Variants in NOL10 observed in about 807,000 individuals in gnomAD.
NOL10 encodes nucleolar protein 10.
Under a neutral mutation model 103.5 loss-of-function variants are expected in NOL10, and 58 were observed. The ratio of observed to expected loss-of-function variants is 0.56; its 90% confidence interval spans 0.45 to 0.70. The LOEUF is 0.70. NOL10 is among the 30% of genes least tolerant of loss of function. The pLI, the probability that NOL10 is intolerant of heterozygous loss-of-function variation, is 0.00. For synonymous variants in NOL10, 287 were observed against 282.5 expected (o/e 1.02, Z -0.16); for missense variants, 763 against 807.3 (o/e 0.95, Z 0.67).
At chr2:10,625,856 T>C (rs563298567) in intron 13 of NOL10, among the ~76,000 whole-genome samples, 12 of 152,172 alleles carry the variant, frequency 7.9e-5, no homozygotes, top group African/African-American at 2.9e-4. Flanking sequence ...AGAGACAAAA[T>C]ACATTTTTTT....
Position 10,682,064 on chromosome 2 carries a change from G to T in NOL10, c.118C>A (p.Arg40Ser). Residue 40 changes from arginine to serine, a missense_variant, in exon 3 of 21, where the codon CGT becomes AGT. By Grantham distance (110) the Arg-to-Ser change is moderately radical. Transcript: ENST00000381685. ...TCCTGAATAAGTTCAATTCTCCTAC[G>T]GACATCTAAAAAGAGAGAAAAAAAC... ...RALQKKDVDV[R>S]RRIELIQDFE... 6.8e-7 allele frequency: 1 copy of T among 1,462,990 alleles called. No homozygotes were observed. Among genetic ancestry groups the T allele is most frequent in the South Asian group, 1.5e-5 (1 of 66,754 alleles). 90.6% of individuals were successfully genotyped at this position (1,462,990 alleles called of 1,614,324 possible).
chr2:10,638,476 G>A (rs1678456919), intron 13 of NOL10, among the ~76,000 whole-genome samples: 1 of 129,518 alleles, frequency 7.7e-6, no homozygotes, highest in Admixed American at 8.6e-5. Context: ...CCTTATAGCT[G>A]AATTCCCTTT....
intron 7 of NOL10, 28 bp downstream of exon 7, chr2:10,668,630 A>T: frequency 8.5e-7 from 1 of 1,171,488 alleles, no homozygotes; most frequent in Non-Finnish European, 1.2e-6. Context: ...GTCAAAATGT[A>T]TATAGCAGAA....
intron 2 of NOL10, among the ~76,000 whole-genome samples, chr2:10,682,472 T>C (rs1013690481): frequency 2.4e-4 from 36 of 150,184 alleles, no homozygotes; most frequent in African/African-American, 8.4e-4. Flanking sequence ...CAATCATGGC[T>C]CACTGCAGCC....
chr2:10,686,404 C>G (rs372587859), intron 1 of NOL10, among the ~76,000 whole-genome samples: 2 of 152,208 alleles, frequency 1.3e-5, no homozygotes, highest in African/African-American at 4.8e-5. Flanking sequence ...AGGTGGAGAA[C>G]AGTGACCGCT....
chr2:10,592,390 G>A (rs191034149), intron 17 of NOL10, among the ~76,000 whole-genome samples: 2 of 152,262 alleles, frequency 1.3e-5, no homozygotes, highest in East Asian at 1.9e-4. Context: ...AAGAAATCAC[G>A]CTCCATTTAG....
rs1292701521 is a variant in NOL10 at position 10,666,904 on chromosome 2, T to C, written c.591+314A>G. Among the ~76,000 whole-genome samples, 4 of 152,346 alleles carry C rather than the reference T, an allele frequency of 2.6e-5. No homozygotes were observed. The East Asian group carries it at 7.7e-4, about 29-fold the overall frequency. On this transcript the variant is annotated intron_variant, in intron 8 of 20. Coordinates refer to ENST00000381685, the MANE Select transcript of NOL10 (RefSeq NM_024894.4). ...GACTGGAAGGTATAAAAGGGCACTT[T>C]TTAAAATTACATGCTTCTGACATAT...
At chr2:10,648,431 G>A (rs1034467869) in intron 12 of NOL10, among the ~76,000 whole-genome samples, 4 of 152,168 alleles carry the variant, frequency 2.6e-5, no homozygotes, top group Non-Finnish European at 4.4e-5. Context: ...GCGCCTACGG[G>A]TCTTGTTCTG....
At chr2:10,579,959 T>C (rs1276676624) in intron 19 of NOL10, among the ~76,000 whole-genome samples, 1 of 152,210 alleles carries the variant, frequency 6.6e-6, no homozygotes, top group African/African-American at 2.4e-5. Context: ...CTGGGGTTTC[T>C]CTCAATGTAC....
intron 12 of NOL10, among the ~76,000 whole-genome samples, chr2:10,649,234 GACA>G (rs1269903538): frequency 8.1e-5 from 12 of 148,410 alleles, no homozygotes; most frequent in African/African-American, 2.7e-4. Flanking sequence ...TTATGGTGAA[GACA>G]ACAATAACAA....
At chr2:10,631,777 C>T (rs1677863707) in intron 13 of NOL10, among the ~76,000 whole-genome samples, 1 of 151,356 alleles carries the variant, frequency 6.6e-6, no homozygotes, top group African/African-American at 2.4e-5. Flanking sequence ...TGCAATGGCA[C>T]GACCTCAGCT....
At chr2:10,595,858 G>A (rs1367313964) in intron 17 of NOL10, among the ~76,000 whole-genome samples, 2 of 151,930 alleles carry the variant, frequency 1.3e-5, no homozygotes. Context: ...GCCTGCCTTG[G>A]CCTCCCGAAG....
intron 9 of NOL10, among the ~76,000 whole-genome samples, chr2:10,659,523 A>T (rs1680057784): frequency 4.6e-5 from 4 of 87,794 alleles, no homozygotes; most frequent in South Asian, 1.5e-3. Flanking sequence ...CAAAAAATTA[A>T]AAAAAAAAAA....
chr2:10,655,289 AAAAGGAAAGG>A (rs1014926629), intron 11 of NOL10, among the ~76,000 whole-genome samples: 3 of 152,086 alleles, frequency 2.0e-5, no homozygotes, highest in South Asian at 4.1e-4. Flanking sequence ...GAAGAAAAGA[AAAAGGAAAGG>A]AAAGGAAAGG....
intron 17 of NOL10, among the ~76,000 whole-genome samples, chr2:10,600,491 T>C (rs1675916188): frequency 6.6e-6 from 1 of 152,252 alleles, no homozygotes; most frequent in Non-Finnish European, 1.5e-5. Flanking sequence ...CCATTAAAAA[T>C]ATTTACAAAG....
At chr2:10,657,309 T>C in intron 11 of NOL10, among the ~76,000 whole-genome samples, 1 of 148,786 alleles carries the variant, frequency 6.7e-6, no homozygotes, top group Non-Finnish European at 1.5e-5. Flanking sequence ...CAGAGCAAAC[T>C]CTCTCAAAAA....
chr2:10,592,448 G>A (rs904250102), intron 17 of NOL10, among the ~76,000 whole-genome samples: 2 of 152,050 alleles, frequency 1.3e-5, no homozygotes, highest in East Asian at 3.9e-4. Flanking sequence ...GGATTCAGAC[G>A]GACACCACTA....
At chr2:10,585,127 T>C (rs568535487) in intron 19 of NOL10, among the ~76,000 whole-genome samples, 7 of 152,328 alleles carry the variant, frequency 4.6e-5, no homozygotes, top group Admixed American at 3.3e-4. Context: ...GCAAAAAAGA[T>C]TCACAGTTTC....
At chr2:10,581,099 G>A (rs1344735862) in intron 19 of NOL10, among the ~76,000 whole-genome samples, 2 of 152,050 alleles carry the variant, frequency 1.3e-5, no homozygotes, top group Non-Finnish European at 1.5e-5. Context: ...TGCTTCAAAG[G>A]CCCTATTTCA....
Sources: allele counts gnomAD v4.1 joint callset (sites outside exome capture counted in the v4.1 genomes callset), GRCh38; gene constraint gnomAD v4.1.1; transcripts MANE v1.5; gene names NCBI Gene and HGNC (gene_info 2026-07-23, HGNC 2026-07-21).